Variants in SEC16B observed in about 807,000 individuals in gnomAD.
The protein encoded by SEC16B is protein transport protein Sec16B.
A neutral mutation model predicts 141.8 loss-of-function variants in SEC16B; 115 were observed. The ratio of observed to expected loss-of-function variants is 0.81; its 90% CI spans 0.70 to 0.95. SEC16B has a LOEUF of 0.95. SEC16B is among the 40% of genes least tolerant of loss of function. The pLI is 0.00. For missense variants in SEC16B, 1,291 were observed against 1,312.3 expected (o/e 0.98, Z 0.25); for synonymous variants, 493 against 492.5 (o/e 1.00, Z -0.01).
chr1:177,977,836 T>TG (rs1371771975), intron 1 of SEC16B, among the ~76,000 whole-genome samples: 1 of 152,218 alleles, frequency 6.6e-6, no homozygotes, highest in Non-Finnish European at 1.5e-5. Context: ...CATGTGCCTT[T>TG]GGAAAAATCG....
intron 15 of SEC16B, among the ~76,000 whole-genome samples, chr1:177,943,751 G>A (rs1197403907): frequency 6.6e-6 from 1 of 152,232 alleles, no homozygotes; most frequent in Non-Finnish European, 1.5e-5. Flanking sequence ...GCCGAAAGCA[G>A]TTGCTGTGTG....
chr1:177,937,382 G>A lies in SEC16B; in HGVS notation c.2335C>T (p.Gln779Ter), dbSNP rs1650926970. The part of the protein sequence containing the change: ...QPSPQQPFPL[Q>*]PGSYPAGGGA... ...CCTCCTGCTGGGTAGGAGCCCGGCT[G>A]GAGGGGAAAGGGCTGCTGTGGGCTG... The change falls in exon 19 of 26, where the codon CAG (glutamine) becomes TAG (stop). Residue 779 changes from glutamine (Q) to a stop codon, truncating the protein, a stop_gained. Coordinates refer to ENST00000308284, the MANE Select transcript of SEC16B (RefSeq NM_033127.4). LOFTEE classifies it high-confidence loss of function. 1 of 1,612,476 alleles carries A rather than the reference G, an allele frequency of 6.2e-7. No homozygotes were observed. The highest frequency in any genetic ancestry group is 1.3e-5 in the African/African-American group (1 of 74,912).
chr1:177,959,184 C>T (rs1480111277), intron 8 of SEC16B: 3 of 598,292 alleles, frequency 5.0e-6, no homozygotes, highest in African/African-American at 3.7e-5. Flanking sequence ...TCTCATGCAC[C>T]CCCTTTATAG....
At position 177,946,419 on chromosome 1, in the gene SEC16B, C is replaced by A. The variant is rs1316513132; in HGVS notation, c.1775+1G>T. 3 of 1,560,258 alleles carry A rather than the reference C, an allele frequency of 1.9e-6. No homozygotes were observed. The highest frequency in any genetic ancestry group is 2.4e-5 in the South Asian group (2 of 84,550). On this transcript the variant is annotated splice_donor_variant, in intron 14 of 25. Coordinates refer to ENST00000308284, the MANE Select transcript of SEC16B (RefSeq NM_033127.4). LOFTEE classifies it high-confidence loss of function. ...TGTTTCCTTTCTCCCAGGTCGCATA[C>A]CTGTGGCTGCTGCCCAGCAAGACCA...
chr1:177,968,101 G>T, intron 1 of SEC16B, 62 bp from the exon 2 acceptor site: 1 of 1,028,324 alleles, frequency 9.7e-7, no homozygotes, highest in South Asian at 1.9e-5. Flanking sequence ...CATAGTGGTT[G>T]ATTAGGTTTT....
chr1:177,959,210 C>A, intron 8 of SEC16B: 1 of 523,324 alleles, frequency 1.9e-6, no homozygotes, highest in Admixed American at 3.0e-5. Flanking sequence ...GAAACAGAGG[C>A]TCAGAGACCT....
Position 177,939,645 on chromosome 1 carries a change from G to A in SEC16B, c.2203+57C>T, listed in dbSNP as rs114595057. 1,307 of 1,366,788 alleles carry A rather than the reference G, an allele frequency of 9.6e-4. 17 individuals carry two copies. The African/African-American group carries it at 0.016, about 17-fold the overall frequency. The allele number at this position is 1,366,788 out of a possible 1,614,324, so 84.7% of individuals were successfully genotyped here. On this transcript the variant is annotated intron_variant, in intron 18 of 25. Coordinates refer to ENST00000308284, the MANE Select transcript of SEC16B (RefSeq NM_033127.4). ...GTGCTTTCATAAATTACTTTGTCTC[G>A]TAGAATCAGATCCTGAGCGTCAGCT...
At chr1:177,942,826 T>C (rs1175460902) in intron 15 of SEC16B, among the ~76,000 whole-genome samples, 1 of 152,080 alleles carries the variant, frequency 6.6e-6, no homozygotes, top group Non-Finnish European at 1.5e-5. Flanking sequence ...AAATAAAAGC[T>C]CCATGCGAGG....
In SEC16B at chr1:177,954,380, A is replaced by G. The variant is rs1270799155; in HGVS notation, c.1366-4T>C. On this transcript the variant is annotated splice_region_variant and splice_polypyrimidine_tract_variant and intron_variant, in intron 10 of 25. Transcript: ENST00000308284. ...TCATGGCCCACTCCAAGGCTTCCTG[A>G]AAACCAAAACATCACATTCAAGAGT... is the stretch of plus-strand genomic sequence containing the variant. 5.7e-6 allele frequency: 9 copies of G among 1,566,432 alleles called. No individual in the cohort carries two copies. Among genetic ancestry groups the G allele is most frequent in the African/African-American group, 1.4e-5 (1 of 73,674 alleles).
intron 2 of SEC16B, 111 bp from the exon 3 acceptor site, chr1:177,966,116 G>C (rs928231430): frequency 1.7e-6 from 1 of 574,040 alleles, no homozygotes; most frequent in Non-Finnish European, 2.9e-6. Flanking sequence ...TGTGACCCCA[G>C]CCTAGAATCT....
intron 1 of SEC16B, among the ~76,000 whole-genome samples, chr1:177,969,520 C>T (rs937396363): frequency 6.6e-6 from 1 of 152,192 alleles, no homozygotes; most frequent in Non-Finnish European, 1.5e-5. Flanking sequence ...GAACTCAAAA[C>T]CATTTGGACC....
rs74128502 is a variant in SEC16B, at chr1:177,960,780, G to A, written c.936+11C>T. ...TGTGCCAGCATTCCAGGGACACTGGGTCTTCTTTACCTCCATGCTGTGCAG... is the reference window on the plus strand; with the variant it reads ...TGTGCCAGCATTCCAGGGACACTGGATCTTCTTTACCTCCATGCTGTGCAG... On this transcript the variant is annotated intron_variant, in intron 7 of 25. Coordinates refer to ENST00000308284, the MANE Select transcript of SEC16B (RefSeq NM_033127.4). The A allele has an allele frequency of 6.3e-7, 1 of 1,596,098 alleles. No individual in the cohort carries two copies. The highest frequency in any genetic ancestry group is 8.5e-7 in the Non-Finnish European group (1 of 1,170,014).
intron 5 of SEC16B, among the ~76,000 whole-genome samples, chr1:177,962,316 C>T (rs1317167588): frequency 6.6e-6 from 1 of 151,904 alleles, no homozygotes. Flanking sequence ...ATGATCTGCC[C>T]ACCTCAGCCT....
chr1:177,960,991 T>A, intron 6 of SEC16B, 52 bp from the exon 7 acceptor site: 1 of 1,578,562 alleles, frequency 6.3e-7, no homozygotes, highest in South Asian at 1.2e-5. Context: ...TCCATCACTT[T>A]TCTTTAGTTT....
At chr1:177,982,819 G>C (rs185637960) in intron 1 of SEC16B, among the ~76,000 whole-genome samples, 3 of 152,294 alleles carry the variant, frequency 2.0e-5, no homozygotes, top group Admixed American at 2.0e-4. Context: ...GAGTCAGGCT[G>C]TTGTGTCTTT....
At chr1:177,947,767 G>GGGGAGGGGAGGGGAGGGACA in intron 13 of SEC16B, 58 bp downstream of exon 13, 2 of 1,007,166 alleles carry the variant, frequency 2.0e-6, no homozygotes, top group Non-Finnish European at 3.0e-6. Flanking sequence ...GGGACAGGGA[G>GGGGAGGGGAGGGGAGGGACA]GGGAGGGGAG....
Position 177,960,364 on chromosome 1 carries a change from TTC to T in SEC16B, c.974_975del (p.Arg325LysfsTer8). 6.2e-7 allele frequency: 1 copy of T among 1,605,794 alleles called. No individual in the cohort carries two copies. Among genetic ancestry groups the T allele is most frequent in the South Asian group, 1.1e-5 (1 of 89,644 alleles). On this transcript the variant is annotated frameshift_variant, in exon 8 of 26. Coordinates refer to ENST00000308284, the MANE Select transcript of SEC16B (RefSeq NM_033127.4). LOFTEE classifies it high-confidence loss of function. ...LNDSEEQEEM[R>X]SFSGPLIRED... ...TACCTAATCAAGGGTCCTGAGAAAC[TTC>T]TCATCTCCTCTTGCTCTTCGGAATC... is the stretch of plus-strand genomic sequence containing the variant.
At chr1:177,951,866 A>C in intron 12 of SEC16B, 48 bp downstream of exon 12, 1 of 1,497,826 alleles carries the variant, frequency 6.7e-7, no homozygotes, top group East Asian at 2.4e-5. Context: ...CCGCCCCCTC[A>C]AGCCCTTGGG....
At position 177,964,157 on chromosome 1, in the gene SEC16B, T is replaced by C. The variant is rs1653312843; in HGVS notation, c.642+14A>G. 1.9e-6 allele frequency: 3 copies of C among 1,594,846 alleles called. No homozygotes were observed. Among genetic ancestry groups the C allele is most frequent in the African/African-American group, 1.3e-5 (1 of 74,652 alleles). On this transcript the variant is annotated intron_variant, in intron 5 of 25. Coordinates refer to ENST00000308284, the MANE Select transcript of SEC16B (RefSeq NM_033127.4). ...ATGGCCACAGTCTCCAGCCCCCACG[T>C]CACTTTAGGTTACCTTATTTTTCTG...
Sources: allele counts gnomAD v4.1 joint callset (sites outside exome capture counted in the v4.1 genomes callset), GRCh38; gene constraint gnomAD v4.1.1; transcripts MANE v1.5; gene names NCBI Gene and HGNC (gene_info 2026-07-23, HGNC 2026-07-21).